KLHL3: variants seen among roughly 807,000 people sequenced by gnomAD.
The protein encoded by KLHL3 is kelch-like protein 3.
KLHL3 carries 19 observed loss-of-function variants against 70.5 expected under a neutral mutation model. The ratio of observed to expected loss-of-function variants is 0.27; its 90% CI spans 0.19 to 0.40. The LOEUF is 0.40. Among genes scored for constraint, KLHL3 ranks in the 10% least tolerant of loss-of-function variants. The probability of loss-of-function intolerance (pLI) is 1.00; values close to 1 mark genes in which losing one functional copy is unlikely to be tolerated. For missense variants in KLHL3, 512 were observed against 771.1 expected (o/e 0.66, Z 3.98); for synonymous variants, 258 against 290.3 (o/e 0.89, Z 1.13).
intron 8 of KLHL3, among the ~76,000 whole-genome samples, chr5:137,643,354 C>CA (rs11323248): frequency 0.03 from 3,708 of 122,552 alleles, 62 homozygotes; most frequent in Non-Finnish European, 0.044. Flanking sequence ...GACCCTGTCT[C>CA]AAAAAAAAAA....
chr5:137,634,584 C>T (rs532271624), intron 11 of KLHL3, among the ~76,000 whole-genome samples: 44 of 152,300 alleles, frequency 2.9e-4, no homozygotes, highest in African/African-American at 1.0e-3. Context: ...AAAGGCTTGA[C>T]ATAGCAGATG....
rs1208025142 is a variant in KLHL3 at position 137,733,986 on chromosome 5, G to A, written c.14+1647C>T. Among the ~76,000 whole-genome samples the A allele has an allele frequency of 5.3e-5, 8 of 152,232 alleles. No homozygotes were observed. The East Asian group carries it at 1.3e-3, about 26-fold the overall frequency. On this transcript the variant is annotated intron_variant, in intron 1 of 14. Transcript: ENST00000309755. The stretch of plus-strand genomic sequence containing the variant: ...TGCCTTCAGCAGAGGAAAAGTACAA[G>A]AACATGTGCAACCTGGTGTTCTAAA...
intron 4 of KLHL3, among the ~76,000 whole-genome samples, chr5:137,696,843 T>C (rs1006749871): frequency 4.6e-5 from 7 of 152,212 alleles, no homozygotes; most frequent in African/African-American, 1.4e-4. Flanking sequence ...TGTGAATTGA[T>C]GGGCACATGC....
chr5:137,709,795 C>T lies in KLHL3; in HGVS notation c.196G>A (p.Val66Met). 2.5e-6 allele frequency: 4 copies of T among 1,614,202 alleles called. No individual in the cohort carries two copies. Among genetic ancestry groups the T allele is most frequent in the Non-Finnish European group, 3.4e-6 (4 of 1,180,040 alleles). ...AEDVEIEAHR[V>M]VLAACSPYFC... is the part of the protein sequence containing the mutation. ...TAGGGGCTGCAGGCTGCCAGGACCA[C>T]ACGGTGGGCTTCTATCTCGACATCT... Residue 66 changes from valine (V) to methionine (M), a missense_variant, in exon 3 of 15, where the codon GTG (valine) becomes ATG (methionine). By Grantham distance (21) the Val-to-Met change is conservative (BLOSUM62 1). Transcript: ENST00000309755.
At chr5:137,626,234 G>A (rs752301518) in intron 13 of KLHL3, among the ~76,000 whole-genome samples, 1 of 152,194 alleles carries the variant, frequency 6.6e-6, no homozygotes. Flanking sequence ...GGTGTATACA[G>A]ACCTCCTGTG....
At chr5:137,700,517 C>T (rs1011439928) in intron 3 of KLHL3, among the ~76,000 whole-genome samples, 3 of 152,074 alleles carry the variant, frequency 2.0e-5, no homozygotes, top group African/African-American at 4.8e-5. Context: ...AATGGAAACG[C>T]CTGGAATTGT....
chr5:137,644,199 G>T (rs1226546916), intron 8 of KLHL3, among the ~76,000 whole-genome samples: 1 of 152,082 alleles, frequency 6.6e-6, no homozygotes, highest in Non-Finnish European at 1.5e-5. Flanking sequence ...CTCCCATGTA[G>T]CTGAGATTAC....
intron 8 of KLHL3, among the ~76,000 whole-genome samples, chr5:137,657,592 A>G (rs1751374395): frequency 1.3e-5 from 2 of 151,366 alleles, no homozygotes; most frequent in Admixed American, 6.6e-5. Flanking sequence ...ACAAATTCTC[A>G]TTTCTCCCAT....
chr5:137,669,912 T>C (rs1187930592), intron 6 of KLHL3, among the ~76,000 whole-genome samples: 4 of 152,148 alleles, frequency 2.6e-5, no homozygotes, highest in African/African-American at 4.8e-5. Context: ...AATTCAGATA[T>C]GGGCTTTAAT....
intron 3 of KLHL3, among the ~76,000 whole-genome samples, chr5:137,704,530 C>A (rs991850304): frequency 6.6e-6 from 1 of 152,220 alleles, no homozygotes; most frequent in African/African-American, 2.4e-5. Context: ...TCACCAACTC[C>A]AAACCTCTTC....
chr5:137,704,473 C>T (rs1034532737), intron 3 of KLHL3, among the ~76,000 whole-genome samples: 8 of 152,156 alleles, frequency 5.3e-5, no homozygotes, highest in Non-Finnish European at 1.0e-4. Context: ...CAGTGCAAGG[C>T]GGCATTACCA....
chr5:137,637,338 G>T lies in KLHL3; in HGVS notation c.1277C>A (p.Pro426Gln). 1 of 1,614,072 alleles carries T rather than the reference G, an allele frequency of 6.2e-7. No homozygotes were observed. Among genetic ancestry groups the T allele is most frequent in the Non-Finnish European group, 8.5e-7 (1 of 1,179,944 alleles). ...YKTNEWFFVA[P>Q]MNTRRSSVGV... The stretch of plus-strand genomic sequence containing the variant: ...CACACTGCTCCGCCGCGTGTTCATC[G>T]GGGCCACAAAGAACCACTCGTTGGT... The change falls in exon 11 of 15, where the codon CCG becomes CAG. Residue 426 changes from proline to glutamine, a missense_variant. Coordinates refer to ENST00000309755, the MANE Select transcript of KLHL3 (RefSeq NM_017415.3).
At position 137,618,785 on chromosome 5, in the gene KLHL3, A is replaced by G. The variant is rs1756308003; in HGVS notation, c.*3313T>C. ...AAAAAAAAAAAAAAAGACACAATCA[A>G]TACAGACGGGCAAGTGCTGAGTCGA... On this transcript the variant is annotated 3_prime_UTR_variant, in exon 15 of 15. Coordinates refer to ENST00000309755, the MANE Select transcript of KLHL3 (RefSeq NM_017415.3). The G allele has an allele frequency of 6.6e-6, 1 of 151,876 alleles. No homozygotes were observed. The highest frequency in any genetic ancestry group is 1.5e-5 in the Non-Finnish European group (1 of 68,004). The allele number at this position is 151,876 out of a possible 1,614,324, so 9.4% of individuals were successfully genotyped here. A position where few individuals can be genotyped will look rare whatever the true frequency, so the allele number is the denominator to read the frequency against.
chr5:137,658,042 T>C (rs1466225077), intron 8 of KLHL3, 89 bp downstream of exon 8: 11 of 1,299,946 alleles, frequency 8.5e-6, no homozygotes, highest in African/African-American at 1.5e-5. Flanking sequence ...AGGGCAGCCA[T>C]GGGTGAGGAA....
At chr5:137,709,659 T>G in intron 3 of KLHL3, 91 bp downstream of exon 3, 1 of 997,106 alleles carries the variant, frequency 1.0e-6, no homozygotes, top group Non-Finnish European at 1.6e-6. Context: ...GGCTTTCTCT[T>G]TCCTCCCTCC....
chr5:137,692,987 G>T (rs1456298073), intron 4 of KLHL3, among the ~76,000 whole-genome samples: 1 of 152,130 alleles, frequency 6.6e-6, no homozygotes, highest in South Asian at 2.1e-4. Context: ...GTTTTTTAAA[G>T]CTCCCCAGGT....
chr5:137,720,892 A>G (rs1346391255), intron 1 of KLHL3: 8 of 1,120,604 alleles, frequency 7.1e-6, no homozygotes, highest in Non-Finnish European at 8.7e-6. Flanking sequence ...TCTATCACTC[A>G]CTTCACAGGT....
chr5:137,715,407 A>G (rs1360361377), intron 2 of KLHL3, among the ~76,000 whole-genome samples: 2 of 152,224 alleles, frequency 1.3e-5, no homozygotes, highest in African/African-American at 2.4e-5. Flanking sequence ...CCAGGCCTCC[A>G]TAAGTATACC....
Position 137,622,073 on chromosome 5 carries a change from C to T in KLHL3, c.*25G>A. The T allele has an allele frequency of 1.2e-6, 2 of 1,613,946 alleles. No individual in the cohort carries two copies. The highest frequency in any genetic ancestry group is 1.3e-5 in the African/African-American group (1 of 75,044). ...CACAGGCAGCACCTGCTCCTTCCTC[C>T]ACCTCCTGGCAGTAGGAGTTTGGGT... On this transcript the variant is annotated 3_prime_UTR_variant, in exon 15 of 15. Coordinates refer to ENST00000309755, the MANE Select transcript of KLHL3 (RefSeq NM_017415.3).
Sources: gnomAD v4.1 joint callset for allele counts (sites outside exome capture counted in the v4.1 genomes callset) on GRCh38, gnomAD v4.1.1 for gene constraint, MANE v1.5 for transcripts, NCBI Gene and HGNC (gene_info 2026-07-23, HGNC 2026-07-21) for gene names.